Variants in LNPEP observed in about 807,000 individuals in gnomAD.
LNPEP encodes the protein leucyl and cystinyl aminopeptidase.
In LNPEP, 64 loss-of-function variants were observed where a neutral mutation model predicts 120.6. That is an observed-to-expected ratio of 0.53 (90% CI 0.43 to 0.65). The LOEUF is 0.65. Ranked by LOEUF, LNPEP falls within the 30% of genes least tolerant of loss-of-function variation. The probability of loss-of-function intolerance (pLI) is 0.00; values close to 1 mark genes in which losing one functional copy is unlikely to be tolerated. For synonymous variants in LNPEP, 435 were observed against 425.4 expected, an observed-to-expected ratio of 1.02 and a Z score of -0.28; for missense variants, 1,057 against 1,200.0, an observed-to-expected ratio of 0.88 and a Z score of 1.76.
At chr5:96,983,695 C>T (rs537243056) in intron 2 of LNPEP, among the ~76,000 whole-genome samples, 2 of 152,314 alleles carry the variant, frequency 1.3e-5, no homozygotes, top group Admixed American at 1.3e-4. Context: ...GATCCGCCCA[C>T]CTTGGCCTCC....
chr5:96,985,111 G>A lies in LNPEP; in HGVS notation c.892G>A (p.Ala298Thr), dbSNP rs140889818. Reference protein sequence around the residue: ...YFAATQFEPLAARSAFPCFDE... With the variant: ...YFAATQFEPLTARSAFPCFDE... ...TGCAGCAACTCAGTTTGAACCCCTGGCAGCAAGATCTGCTTTTCCTTGTTT... is the reference window on the plus strand; with the variant it reads ...TGCAGCAACTCAGTTTGAACCCCTGACAGCAAGATCTGCTTTTCCTTGTTT... The change falls in exon 3 of 18, where the codon GCA becomes ACA. Residue 298 changes from alanine (A) to threonine (T), a missense_variant. Ala to Thr is a moderately conservative substitution (Grantham distance 58). Coordinates refer to ENST00000231368, the MANE Select transcript of LNPEP (RefSeq NM_005575.3). 2.2e-5 allele frequency: 35 copies of A among 1,613,934 alleles called. No homozygotes were observed. The African/African-American group carries it at 3.9e-4, about 18-fold the overall frequency.
chr5:96,948,495 G>A (rs535224703), intron 1 of LNPEP, among the ~76,000 whole-genome samples: 12 of 152,118 alleles, frequency 7.9e-5, no homozygotes, highest in African/African-American at 1.2e-4. Flanking sequence ...ACTTGTGCCC[G>A]TGTATCTTTT....
chr5:97,019,143 A>T (rs537996215), intron 13 of LNPEP, among the ~76,000 whole-genome samples: 2 of 152,318 alleles, frequency 1.3e-5, no homozygotes, highest in South Asian at 2.1e-4. Context: ...TTTTATTTTT[A>T]AAATAATTTT....
intron 13 of LNPEP, among the ~76,000 whole-genome samples, chr5:97,016,769 A>G (rs1791077627): frequency 6.6e-6 from 1 of 152,192 alleles, no homozygotes; most frequent in Non-Finnish European, 1.5e-5. Flanking sequence ...GACTTTTTAA[A>G]ACAATATTTA....
chr5:96,969,421 AT>A (rs968484651), intron 1 of LNPEP, among the ~76,000 whole-genome samples: 1 of 152,088 alleles, frequency 6.6e-6, no homozygotes, highest in Non-Finnish European at 1.5e-5. Flanking sequence ...AACTGGTATT[AT>A]TACTGGCTAA....
intron 1 of LNPEP, among the ~76,000 whole-genome samples, chr5:96,949,548 A>G (rs889683881): frequency 6.6e-6 from 1 of 152,162 alleles, no homozygotes; most frequent in African/African-American, 2.4e-5. Context: ...CCTGGTTCCA[A>G]AAAGGTTGGG....
chr5:96,985,721 T>C (rs1790225455), intron 3 of LNPEP, among the ~76,000 whole-genome samples: 1 of 151,664 alleles, frequency 6.6e-6, no homozygotes, highest in Admixed American at 6.6e-5. Context: ...ATTGTTTTTA[T>C]GCCAAACAAA....
rs1002045972 is a variant in LNPEP at position 97,031,010 on chromosome 5, C to G, written c.*2477C>G. On this transcript the variant is annotated 3_prime_UTR_variant, in exon 18 of 18. Transcript: ENST00000231368. ...GGTAGCTTTCAAAGTTTTATCTTCT[C>G]AAAACATTGTCTTAGCCAGTGTATT... The G allele has an allele frequency of 6.6e-6, 1 of 151,880 alleles. No individual in the cohort carries two copies. Among genetic ancestry groups the G allele is most frequent in the Non-Finnish European group, 1.5e-5 (1 of 67,968 alleles). 9.4% of individuals were successfully genotyped at this position (151,880 alleles called of 1,614,324 possible).
intron 16 of LNPEP, among the ~76,000 whole-genome samples, chr5:97,027,514 G>A (rs994732629): frequency 7.9e-5 from 12 of 152,098 alleles, no homozygotes; most frequent in Non-Finnish European, 1.6e-4. Flanking sequence ...ATGTTAAGCG[G>A]ATTAATTGTC....
At chr5:97,002,552 A>G (rs980855348) in intron 8 of LNPEP, among the ~76,000 whole-genome samples, 1 of 152,210 alleles carries the variant, frequency 6.6e-6, no homozygotes, top group African/African-American at 2.4e-5. Context: ...AATAATCTTG[A>G]CATTACTACA....
At chr5:97,022,093 C>A (rs1791215131) in intron 13 of LNPEP, among the ~76,000 whole-genome samples, 1 of 151,084 alleles carries the variant, frequency 6.6e-6, no homozygotes, top group African/African-American at 2.4e-5. Context: ...ATCATGCCTG[C>A]CTAATTTTTG....
intron 1 of LNPEP, chr5:96,937,318 A>G (rs1561423192): frequency 6.6e-6 from 1 of 152,200 alleles, no homozygotes; most frequent in Non-Finnish European, 1.5e-5. Flanking sequence ...ACTACTGATT[A>G]TATTCTCCCT....
At chr5:96,964,157 T>A (rs1294059109) in intron 1 of LNPEP, among the ~76,000 whole-genome samples, 1 of 151,794 alleles carries the variant, frequency 6.6e-6, no homozygotes, top group Non-Finnish European at 1.5e-5. Flanking sequence ...GATCATGTGG[T>A]ATTTGTCTTT....
rs756500508 is a variant in LNPEP at position 97,027,821 on chromosome 5, T to G, written c.2946+7T>G. 129 of 1,570,046 alleles carry G rather than the reference T, an allele frequency of 8.2e-5. No homozygotes were observed. Among genetic ancestry groups the G allele is most frequent in the Non-Finnish European group, 1.1e-4 (124 of 1,139,980 alleles). ...AAAGACACATTTATCTGAGGTTGGTTTTATAAAATGATAATACAGAGACTG... is the reference window on the plus strand; with the variant it reads ...AAAGACACATTTATCTGAGGTTGGTGTTATAAAATGATAATACAGAGACTG... On this transcript the variant is annotated splice_region_variant and intron_variant, in intron 17 of 17. Transcript: ENST00000231368.
intron 1 of LNPEP, among the ~76,000 whole-genome samples, chr5:96,978,656 G>A (rs186865984): frequency 1.3e-5 from 2 of 152,098 alleles, no homozygotes; most frequent in Admixed American, 6.5e-5. Flanking sequence ...AAGCAGATTT[G>A]AGGCCTGTTG....
rs1256050351 is a variant in LNPEP at position 97,026,575 on chromosome 5, A to G, written c.2724-42A>G. The G allele has an allele frequency of 3.2e-6, 5 of 1,544,356 alleles. No individual in the cohort carries two copies. In the African/African-American group the frequency reaches 4.1e-5, roughly 13 times the overall value. On this transcript the variant is annotated intron_variant, in intron 15 of 17. Coordinates refer to ENST00000231368, the MANE Select transcript of LNPEP (RefSeq NM_005575.3). ...ATTTAAGTTCAGTCATCACTTCTTCATGAATAATAATTTTGGAGGCTAAAT... is the reference window on the plus strand; with the variant it reads ...ATTTAAGTTCAGTCATCACTTCTTCGTGAATAATAATTTTGGAGGCTAAAT...
At chr5:96,975,405 C>T (rs1789968180) in intron 1 of LNPEP, among the ~76,000 whole-genome samples, 1 of 152,158 alleles carries the variant, frequency 6.6e-6, no homozygotes, top group Non-Finnish European at 1.5e-5. Flanking sequence ...TCTCTGTCTC[C>T]TACCCTGCAG....
rs557252908 is a variant in LNPEP, at chr5:97,037,102, T to C, written c.*8569T>C. The C allele has an allele frequency of 2.3e-4, 35 of 152,304 alleles. No individual in the cohort carries two copies. The highest frequency in any genetic ancestry group is 8.4e-4 in the African/African-American group (35 of 41,574). 9.4% of individuals were successfully genotyped at this position (152,304 alleles called of 1,614,324 possible). On this transcript the variant is annotated 3_prime_UTR_variant, in exon 18 of 18. Transcript: ENST00000231368. Reference sequence around the variant, plus strand: ...ATTTGCATTAATCAACAAACTCACATTGAGACAAAACTTAGTTTTACAGCT... The same window carrying C: ...ATTTGCATTAATCAACAAACTCACACTGAGACAAAACTTAGTTTTACAGCT...
intron 11 of LNPEP, among the ~76,000 whole-genome samples, chr5:97,009,510 A>G (rs1280397314): frequency 1.3e-5 from 2 of 152,238 alleles, no homozygotes; most frequent in Non-Finnish European, 2.9e-5. Flanking sequence ...TTCTAGGAAA[A>G]GAACATGCAA....
Sources: gnomAD v4.1 joint callset for allele counts (sites outside exome capture counted in the v4.1 genomes callset) on GRCh38, gnomAD v4.1.1 for gene constraint, MANE v1.5 for transcripts, NCBI Gene and HGNC (gene_info 2026-07-23, HGNC 2026-07-21) for gene names.